Variants in ANK2 observed in about 807,000 individuals in gnomAD.
The protein encoded by ANK2 is ankyrin-2.
ANK2 carries 83 observed loss-of-function variants against 360.5 expected under a neutral mutation model. The ratio of observed to expected loss-of-function variants is 0.23; its 90% confidence interval spans 0.19 to 0.28. ANK2 has a LOEUF of 0.28. Ranked by LOEUF, ANK2 falls within the 10% of genes least tolerant of loss-of-function variation. The probability of loss-of-function intolerance (pLI) is 1.00; values close to 1 mark genes in which losing one functional copy is unlikely to be tolerated. For missense variants in ANK2, 4,201 were observed against 4,795.7 expected, an observed-to-expected ratio of 0.88 and a Z score of 3.66; for synonymous variants, 1,740 against 1,759.5, an observed-to-expected ratio of 0.99 and a Z score of 0.28.
chr4:113,365,372 C>T (rs2096482345), intron 41 of ANK2, among the ~76,000 whole-genome samples, 190 bp downstream of exon 41: 1 of 151,984 alleles, frequency 6.6e-6, no homozygotes, highest in Non-Finnish European at 1.5e-5. Context: ...CACCCTCCCA[C>T]CTCCGCTTCA....
intron 1 of ANK2, among the ~76,000 whole-genome samples, chr4:113,076,402 A>G (rs1301850891): frequency 6.6e-6 from 1 of 152,254 alleles, no homozygotes; most frequent in African/African-American, 2.4e-5. Flanking sequence ...CACCAGGCTA[A>G]TACCTAAGCT....
chr4:113,297,917 G>T (rs917420860), intron 22 of ANK2, among the ~76,000 whole-genome samples: 1 of 151,938 alleles, frequency 6.6e-6, no homozygotes. Context: ...CTACTCGGGA[G>T]TAGTAGGTGG....
chr4:113,323,856 C>T (rs2088016875), intron 26 of ANK2: 1 of 1,509,552 alleles, frequency 6.6e-7, no homozygotes, highest in Non-Finnish European at 9.1e-7. Context: ...CTTTCGCCAT[C>T]TCCTTCTGCA....
chr4:112,829,171 GTGAA>G (rs989093869), intron 1 of ANK2, among the ~76,000 whole-genome samples: 62 of 152,124 alleles, frequency 4.1e-4, no homozygotes, highest in Middle Eastern at 6.8e-3. Flanking sequence ...AAATGAATGA[GTGAA>G]TGAATGAATG....
chr4:113,239,813 T>A (rs2099410627), intron 7 of ANK2, among the ~76,000 whole-genome samples: 1 of 152,182 alleles, frequency 6.6e-6, no homozygotes. Context: ...ACATTCAAAA[T>A]TGGAGTGAGC....
Position 113,282,767 on chromosome 4 carries a change from G to C in ANK2, c.1974G>C (p.Val658=). ...LLNYGAETNI[V]TKQGVTPLHL... ...ACTATGGAGCAGAGACAAACATTGT[G>C]ACAAAGCAAGGAGTAACTCCACTCC... Residue 658 remains valine (V), a synonymous_variant, in exon 18 of 46, where the codon GTG becomes GTC. Coordinates refer to ENST00000357077, the MANE Select transcript of ANK2 (RefSeq NM_001148.6). The C allele has an allele frequency of 1.2e-6, 2 of 1,613,940 alleles. No individual in the cohort carries two copies. The highest frequency in any genetic ancestry group is 2.7e-5 in the African/African-American group (2 of 75,014).
intron 32 of ANK2, 89 bp from the exon 33 acceptor site, chr4:113,341,599 G>T: frequency 1.5e-6 from 2 of 1,353,782 alleles, no homozygotes; most frequent in South Asian, 2.4e-5. Context: ...AGCATTTGTT[G>T]ACTACTTTGA....
At chr4:112,821,292 T>C (rs1347363893) in intron 1 of ANK2, among the ~76,000 whole-genome samples, 1 of 152,074 alleles carries the variant, frequency 6.6e-6, no homozygotes, top group African/African-American at 2.4e-5. Flanking sequence ...CAAATGATCC[T>C]ACTGTGTTAG....
intron 2 of ANK2, among the ~76,000 whole-genome samples, chr4:112,957,337 T>TCACA (rs750135710): frequency 1.6e-4 from 24 of 152,188 alleles, no homozygotes; most frequent in Non-Finnish European, 2.9e-4. Flanking sequence ...AGGGGTAAGA[T>TCACA]CACAGATCAA....
At chr4:113,018,923 A>T (rs1307369482) in intron 2 of ANK2, among the ~76,000 whole-genome samples, 1 of 152,138 alleles carries the variant, frequency 6.6e-6, no homozygotes, top group Non-Finnish European at 1.5e-5. Flanking sequence ...TATGCTTTTT[A>T]TCTAATTTGA....
At chr4:113,271,794 A>G (rs1464487079) in intron 14 of ANK2, among the ~76,000 whole-genome samples, 1 of 152,218 alleles carries the variant, frequency 6.6e-6, no homozygotes, top group African/African-American at 2.4e-5. Flanking sequence ...AGCATAAGAC[A>G]CATTTTGCTG....
intron 1 of ANK2, chr4:112,826,674 T>A: frequency 1.1e-6 from 1 of 935,472 alleles, no homozygotes; most frequent in Non-Finnish European, 1.7e-6. Flanking sequence ...TTCCTCAGCA[T>A]TGACCATTCA....
At chr4:113,087,668 A>G (rs904550520) in intron 1 of ANK2, among the ~76,000 whole-genome samples, 1 of 152,022 alleles carries the variant, frequency 6.6e-6, no homozygotes, top group Non-Finnish European at 1.5e-5. Context: ...AGGAATCAAG[A>G]CCTTGAAGTT....
the ANK2 span, among the ~76,000 whole-genome samples, chr4:112,721,352 C>T: frequency 6.6e-6 from 1 of 151,898 alleles, no homozygotes; most frequent in African/African-American, 2.4e-5. Context: ...CCAGCCTAGC[C>T]AACATAGTGA....
At chr4:112,880,250 C>A (rs1466366893) in intron 1 of ANK2, 3 of 152,148 alleles carry the variant, frequency 2.0e-5, no homozygotes, top group African/African-American at 7.2e-5. Context: ...CTTTTGTAAT[C>A]TCTCCTTCCC....
At chr4:112,846,259 C>T (rs955682155) in intron 1 of ANK2, among the ~76,000 whole-genome samples, 2 of 151,964 alleles carry the variant, frequency 1.3e-5, no homozygotes, top group Non-Finnish European at 2.9e-5. Context: ...ACAAGCGTCC[C>T]ACCACACCTA....
rs1329199748 is a variant in ANK2 at position 113,353,535 on chromosome 4, C to T, written c.4917C>T (p.Tyr1639=). The change falls in exon 38 of 46, where the codon TAC becomes TAT. Residue 1639 remains tyrosine, a synonymous_variant. Coordinates refer to ENST00000357077, the MANE Select transcript of ANK2 (RefSeq NM_001148.6). ...AAGACTCAACTGGGCTAGTGAACTA[C>T]CTTACTGATGATCTGAATACCTGTG... ...VEKDSTGLVN[Y]LTDDLNTCVP... 2 of 1,613,932 alleles carry T rather than the reference C, an allele frequency of 1.2e-6. No homozygotes were observed. The highest frequency in any genetic ancestry group is 2.7e-5 in the African/African-American group (2 of 74,912).
chr4:112,714,822 T>G, the ANK2 span, among the ~76,000 whole-genome samples: 3 of 152,230 alleles, frequency 2.0e-5, no homozygotes, highest in Admixed American at 6.5e-5. Context: ...TATGGGTAGA[T>G]TATGGTATAT....
intron 4 of ANK2, 51 bp downstream of exon 4, chr4:113,199,160 T>A (rs2098793754): frequency 2.1e-6 from 3 of 1,412,910 alleles, no homozygotes; most frequent in Admixed American, 1.7e-5. Flanking sequence ...TTAGAACAGT[T>A]TTGTGAAATT....
Sources: allele counts gnomAD v4.1 joint callset (sites outside exome capture counted in the v4.1 genomes callset), GRCh38; gene constraint gnomAD v4.1.1; transcripts MANE v1.5; gene names NCBI Gene and HGNC (gene_info 2026-07-23, HGNC 2026-07-21).